Variants in SYT10 observed in about 807,000 individuals in gnomAD.
SYT10 encodes synaptotagmin 10.
A neutral mutation model predicts 51.1 loss-of-function variants in SYT10; 31 were observed. That is an observed-to-expected ratio of 0.61 (90% confidence interval 0.46 to 0.82). The LOEUF is 0.82. Among genes scored for constraint, SYT10 ranks in the 40% least tolerant of loss-of-function variants. The pLI is 0.00. For synonymous variants in SYT10, 233 were observed against 225.9 expected, an observed-to-expected ratio of 1.03 and a Z score of -0.28; for missense variants, 603 against 634.0, an observed-to-expected ratio of 0.95 and a Z score of 0.53.
chr12:33,429,173 T>C (rs1866577436), intron 1 of SYT10, among the ~76,000 whole-genome samples: 3 of 152,196 alleles, frequency 2.0e-5, no homozygotes, highest in African/African-American at 7.2e-5. Flanking sequence ...GGATGAGATC[T>C]GAAGCAAAGA....
At chr12:33,401,235 A>G (rs558630820) in intron 3 of SYT10, among the ~76,000 whole-genome samples, 1 of 152,280 alleles carries the variant, frequency 6.6e-6, no homozygotes, top group African/African-American at 2.4e-5. Flanking sequence ...GTCTTTACAT[A>G]GACTTTTTTG....
At chr12:33,391,113 T>G (rs997207729) in intron 3 of SYT10, among the ~76,000 whole-genome samples, 1 of 152,174 alleles carries the variant, frequency 6.6e-6, no homozygotes, top group Non-Finnish European at 1.5e-5. Flanking sequence ...ATTTTTGTAT[T>G]TTTAGTAGAG....
chr12:33,428,024 G>T (rs1866566836), intron 1 of SYT10, among the ~76,000 whole-genome samples: 1 of 152,170 alleles, frequency 6.6e-6, no homozygotes, highest in African/African-American at 2.4e-5. Context: ...ACTGGAAGAG[G>T]AAACACTAGT....
At position 33,374,855 on chromosome 12, in the gene SYT10, A is replaced by G. The variant is rs1484955463; in HGVS notation, c.*1975T>C. 1 of 151,932 alleles carries G rather than the reference A, an allele frequency of 6.6e-6. No individual in the cohort carries two copies. Among genetic ancestry groups the G allele is most frequent in the Non-Finnish European group, 1.5e-5 (1 of 67,902 alleles). The allele number at this position is 151,932 out of a possible 1,614,324, so 9.4% of individuals were successfully genotyped here. A position where few individuals can be genotyped will look rare whatever the true frequency, so the allele number is the denominator to read the frequency against. On this transcript the variant is annotated 3_prime_UTR_variant, in exon 7 of 7. Transcript: ENST00000228567. ...TAAGAATCAACAAAAAGTCCTTAAA[A>G]ATGTGTTTTTGGGTGAAAATAATTA...
intron 1 of SYT10, among the ~76,000 whole-genome samples, chr12:33,435,076 A>G (rs936094986): frequency 6.6e-6 from 1 of 152,224 alleles, no homozygotes; most frequent in African/African-American, 2.4e-5. Context: ...TATTTAAAAA[A>G]GCTTGTAAAT....
chr12:33,426,217 C>A lies in SYT10; in HGVS notation c.430G>T (p.Val144Phe), dbSNP rs1476122187. ...AAATGTTCTTTTAAAGCAGTTTGGA[C>A]TTCTGCTGGGATGTCAGGGGAAGTG... is the stretch of plus-strand genomic sequence containing the variant. ...SHTSPDIPAE[V>F]QTALKEHLIK... Residue 144 changes from valine (V) to phenylalanine (F), a missense_variant, in exon 2 of 7, where the codon GTC (valine) becomes TTC (phenylalanine). Val to Phe is a conservative substitution (Grantham distance 50, BLOSUM62 -1). Transcript: ENST00000228567. 6.2e-7 allele frequency: 1 copy of A among 1,614,120 alleles called. No homozygotes were observed. Among genetic ancestry groups the A allele is most frequent in the East Asian group, 2.2e-5 (1 of 44,886 alleles).
chr12:33,377,623 CT>C (rs112564699), intron 6 of SYT10, among the ~76,000 whole-genome samples: 2,762 of 71,282 alleles, frequency 0.039, 96 homozygotes, highest in African/African-American at 0.19. Context: ...TTTTCTTTTT[CT>C]TTTTCTTTTT....
chr12:33,413,066 T>A (rs1322513659), intron 2 of SYT10, among the ~76,000 whole-genome samples: 3 of 152,118 alleles, frequency 2.0e-5, no homozygotes, highest in Non-Finnish European at 4.4e-5. Context: ...TTTGATCAAG[T>A]GGAAGAAAGG....
intron 4 of SYT10, among the ~76,000 whole-genome samples, chr12:33,383,143 T>C (rs1866130092): frequency 6.6e-6 from 1 of 152,198 alleles, no homozygotes; most frequent in African/African-American, 2.4e-5. Context: ...AAAACTGCTA[T>C]AGTATTATAG....
intron 4 of SYT10, among the ~76,000 whole-genome samples, chr12:33,383,040 A>C (rs1434006071): frequency 1.3e-5 from 2 of 152,300 alleles, no homozygotes; most frequent in Non-Finnish European, 2.9e-5. Flanking sequence ...GTTGGGCTAC[A>C]TTTTTACAGG....
At chr12:33,433,874 T>C (rs1437526833) in intron 1 of SYT10, among the ~76,000 whole-genome samples, 1 of 152,204 alleles carries the variant, frequency 6.6e-6, no homozygotes, top group East Asian at 1.9e-4. Flanking sequence ...TTCCTATTCC[T>C]ACTCTTTGTT....
chr12:33,426,594 T>C (rs1390478724), intron 1 of SYT10, 99 bp from the exon 2 acceptor site: 2 of 1,086,098 alleles, frequency 1.8e-6, no homozygotes, highest in Non-Finnish European at 2.5e-6. Flanking sequence ...TATTTCCTGA[T>C]TCAGAATTTC....
intron 2 of SYT10, among the ~76,000 whole-genome samples, chr12:33,411,388 TGGAA>T (rs1052362259): frequency 6.6e-6 from 1 of 152,112 alleles, no homozygotes; most frequent in African/African-American, 2.4e-5. Flanking sequence ...TACCAAAAAT[TGGAA>T]GGGAGCACAA....
intron 3 of SYT10, 36 bp from the exon 4 acceptor site, chr12:33,385,327 A>G (rs956846240): frequency 6.2e-7 from 1 of 1,607,852 alleles, no homozygotes; most frequent in Admixed American, 1.7e-5. Flanking sequence ...AATTTCAAAC[A>G]TTGAAGGGTG....
rs1210463367 is a variant in SYT10 at position 33,439,641 on chromosome 12, G to A, written c.-119C>T. On this transcript the variant is annotated 5_prime_UTR_variant, in exon 1 of 7. Coordinates refer to ENST00000228567, the MANE Select transcript of SYT10 (RefSeq NM_198992.4). ...TCCGCCCGCGGTGACTTTGGCTGGA[G>A]ATTGCGCCGCTGAGAGCCGGCAACT... 2 of 1,295,828 alleles carry A rather than the reference G, an allele frequency of 1.5e-6. No homozygotes were observed. Among genetic ancestry groups the A allele is most frequent in the African/African-American group, 1.5e-5 (1 of 66,968 alleles). 80.3% of individuals were successfully genotyped at this position (1,295,828 alleles called of 1,614,324 possible).
chr12:33,385,098 T>C lies in SYT10; in HGVS notation c.1198+73A>G, dbSNP rs1866145957. Reference sequence around the variant, plus strand: ...TTATAGGCAAATAATTCAGTAGTCATGTATCATTTTTAGATACATGAAATA... The same window carrying C: ...TTATAGGCAAATAATTCAGTAGTCACGTATCATTTTTAGATACATGAAATA... On this transcript the variant is annotated intron_variant, in intron 4 of 6. Coordinates refer to ENST00000228567, the MANE Select transcript of SYT10 (RefSeq NM_198992.4). 4 of 1,562,578 alleles carry C rather than the reference T, an allele frequency of 2.6e-6. No individual in the cohort carries two copies. In the East Asian group the frequency reaches 9.1e-5, roughly 35 times the overall value.
At chr12:33,438,738 A>T (rs1409863034) in intron 1 of SYT10, among the ~76,000 whole-genome samples, 1 of 152,160 alleles carries the variant, frequency 6.6e-6, no homozygotes, top group Non-Finnish European at 1.5e-5. Flanking sequence ...TCGCCTCACA[A>T]ATGGGATCAA....
At chr12:33,380,491 T>C (rs1324902857) in intron 5 of SYT10, among the ~76,000 whole-genome samples, 1 of 152,196 alleles carries the variant, frequency 6.6e-6, no homozygotes, top group African/African-American at 2.4e-5. Context: ...ATGTGATTTA[T>C]TTTTGCATAA....
rs1866044710 is a variant in SYT10 at position 33,374,259 on chromosome 12, T to A, written c.*2571A>T. On this transcript the variant is annotated 3_prime_UTR_variant, in exon 7 of 7. Transcript: ENST00000228567. ...ACCCTTACTCTTTTTTTTCCTAGAC[T>A]GATATTTGGTAAGTCCCTGAAGAAG... 1 of 151,748 alleles carries A rather than the reference T, an allele frequency of 6.6e-6. No homozygotes were observed. Among genetic ancestry groups the A allele is most frequent in the Non-Finnish European group, 1.5e-5 (1 of 67,864 alleles). The allele number at this position is 151,748 out of a possible 1,614,324, so 9.4% of individuals were successfully genotyped here.
Sources: gnomAD v4.1 joint callset for allele counts (sites outside exome capture counted in the v4.1 genomes callset) on GRCh38, gnomAD v4.1.1 for gene constraint, MANE v1.5 for transcripts, NCBI Gene and HGNC (gene_info 2026-07-23, HGNC 2026-07-21) for gene names.